CDK14: variants seen among roughly 807,000 people sequenced by gnomAD.
CDK14 encodes the protein cyclin dependent kinase 14, also known as cyclin-dependent kinase 14.
In CDK14, 34 loss-of-function variants were observed where a neutral mutation model predicts 60.7. The observed-to-expected ratio is 0.56, with a 90% CI of 0.43 to 0.75. The LOEUF is 0.75. CDK14 is among the 30% of genes least tolerant of loss of function. CDK14 has a pLI of 0.00. For missense variants in CDK14, 482 were observed against 564.1 expected (o/e 0.85, Z 1.47); for synonymous variants, 197 against 203.7 (o/e 0.97, Z 0.28).
At chr7:90,599,585 AG>A (rs1205148408) in intron 1 of CDK14, among the ~76,000 whole-genome samples, 27 of 152,348 alleles carry the variant, frequency 1.8e-4, no homozygotes, top group African/African-American at 6.5e-4. Context: ...TCAATACCAT[AG>A]GCTGTCATTG....
At chr7:90,629,314 A>G (rs922771028) in intron 2 of CDK14, among the ~76,000 whole-genome samples, 7 of 152,286 alleles carry the variant, frequency 4.6e-5, no homozygotes, top group Non-Finnish European at 1.0e-4. Flanking sequence ...CATGGCATTT[A>G]TAGTATTTTG....
At chr7:90,906,725 C>T (rs1342955946) in intron 7 of CDK14, among the ~76,000 whole-genome samples, 1 of 151,826 alleles carries the variant, frequency 6.6e-6, no homozygotes, top group Admixed American at 6.6e-5. Flanking sequence ...GAATTTCAGG[C>T]ATTACAATGG....
chr7:90,893,366 G>A (rs969293786), intron 6 of CDK14, among the ~76,000 whole-genome samples: 7 of 152,204 alleles, frequency 4.6e-5, no homozygotes, highest in Non-Finnish European at 8.8e-5. Context: ...GATATGCGTA[G>A]TTACCAGGGG....
chr7:90,934,579 C>T (rs1467437460), intron 8 of CDK14, among the ~76,000 whole-genome samples: 1 of 152,176 alleles, frequency 6.6e-6, no homozygotes, highest in African/African-American at 2.4e-5. Flanking sequence ...TTTCTTCTAA[C>T]TTTGTCACCA....
rs763092368 is a variant in CDK14, at chr7:91,118,140, A to G, written c.1370A>G (p.Asn457Ser). ...AGESMRAFGK[N>S]NSYGKSLSNS... ...GAAAGCATGCGGGCCTTTGGGAAAA[A>G]CAATAGTTATGGCAAAAGTCTATCA... is the stretch of plus-strand genomic sequence containing the variant. Residue 457 changes from asparagine to serine, a missense_variant, in exon 14 of 15, where the codon AAC (asparagine) becomes AGC (serine). Physicochemically the swap from Asn to Ser is conservative, Grantham distance 46. Coordinates refer to ENST00000380050, the MANE Select transcript of CDK14 (RefSeq NM_001287135.2). 5.0e-6 allele frequency: 8 copies of G among 1,613,524 alleles called. No homozygotes were observed. The East Asian group carries it at 1.6e-4, about 31-fold the overall frequency.
At chr7:91,026,006 T>C (rs1432522810) in intron 10 of CDK14, among the ~76,000 whole-genome samples, 1 of 151,964 alleles carries the variant, frequency 6.6e-6, no homozygotes. Flanking sequence ...AGGTGACATA[T>C]TTTAGAGGAC....
intron 2 of CDK14, among the ~76,000 whole-genome samples, chr7:90,606,952 T>G (rs569168356): frequency 8.5e-5 from 13 of 152,318 alleles, no homozygotes; most frequent in African/African-American, 3.1e-4. Flanking sequence ...AAATGTAGGA[T>G]TCTAAATAAT....
intron 7 of CDK14, among the ~76,000 whole-genome samples, chr7:90,908,880 A>G (rs1432051940): frequency 6.6e-6 from 1 of 152,070 alleles, no homozygotes; most frequent in Non-Finnish European, 1.5e-5. Flanking sequence ...TGTTTTTGTG[A>G]TTTACTCCAA....
intron 2 of CDK14, among the ~76,000 whole-genome samples, chr7:90,634,196 A>C (rs1800075588): frequency 6.6e-6 from 1 of 151,830 alleles, no homozygotes; most frequent in African/African-American, 2.4e-5. Flanking sequence ...CAGGTTAGTT[A>C]CATATGTATA....
chr7:91,163,391 C>T (rs1404351866), intron 14 of CDK14, among the ~76,000 whole-genome samples: 17 of 152,268 alleles, frequency 1.1e-4, no homozygotes, highest in Non-Finnish European at 2.9e-5. Context: ...GTAAGCGTTC[C>T]TAACAACAGG....
chr7:91,060,603 A>G (rs1391369362), intron 11 of CDK14, among the ~76,000 whole-genome samples: 1 of 152,172 alleles, frequency 6.6e-6, no homozygotes, highest in African/African-American at 2.4e-5. Context: ...TGGTGGTGAC[A>G]AAATCTCTCA....
At chr7:91,173,593 G>A (rs1801604849) in intron 14 of CDK14, among the ~76,000 whole-genome samples, 1 of 152,194 alleles carries the variant, frequency 6.6e-6, no homozygotes, top group Non-Finnish European at 1.5e-5. Context: ...AGGTCAGTGG[G>A]TGCATGCACC....
In CDK14 at chr7:90,892,809, C is replaced by T. The variant is rs188409975; in HGVS notation, c.640-6482C>T. 1.0e-3 allele frequency among the ~76,000 whole-genome samples: 156 copies of T among 152,182 alleles called. No individual in the cohort carries two copies. In the Middle Eastern group the frequency reaches 0.014, roughly 13 times the overall value. ...TTTATTTTTGTTTTTGTTTTGTTCTCGCTCTGTCACCCAGGCTGGGGTGCA... is the reference window on the plus strand; with the variant it reads ...TTTATTTTTGTTTTTGTTTTGTTCTTGCTCTGTCACCCAGGCTGGGGTGCA... On this transcript the variant is annotated intron_variant, in intron 6 of 14. Transcript: ENST00000380050.
chr7:90,826,793 GC>G (rs1056686993), intron 5 of CDK14, among the ~76,000 whole-genome samples: 38 of 151,950 alleles, frequency 2.5e-4, no homozygotes, highest in African/African-American at 8.7e-4. Context: ...CTTTTCCCTG[GC>G]ACACAGTTCC....
At chr7:90,918,523 GCT>G (rs1793151818) in intron 8 of CDK14, among the ~76,000 whole-genome samples, 1 of 152,172 alleles carries the variant, frequency 6.6e-6, no homozygotes, top group African/African-American at 2.4e-5. Flanking sequence ...CATTGCCCAG[GCT>G]CTCTGTCACA....
rs1584221134 is a variant in CDK14 at position 91,209,862 on chromosome 7, T to C, written c.*2726T>C. The C allele has an allele frequency of 1.3e-5, 2 of 152,604 alleles. No individual in the cohort carries two copies. The highest frequency in any genetic ancestry group is 3.8e-4 in the East Asian group (2 of 5,198). 9.5% of individuals were successfully genotyped at this position (152,604 alleles called of 1,614,324 possible). A position where few individuals can be genotyped will look rare whatever the true frequency, so the allele number is the denominator to read the frequency against. ...CACTGATTCTGGGGTGAGAAGCGATTTCTACCTCGCAAGAGTGACTAGAAA... is the reference window on the plus strand; with the variant it reads ...CACTGATTCTGGGGTGAGAAGCGATCTCTACCTCGCAAGAGTGACTAGAAA... On this transcript the variant is annotated 3_prime_UTR_variant, in exon 15 of 15. Coordinates refer to ENST00000380050, the MANE Select transcript of CDK14 (RefSeq NM_001287135.2).
At chr7:90,835,882 G>A (rs1016473819) in intron 5 of CDK14, among the ~76,000 whole-genome samples, 6 of 151,972 alleles carry the variant, frequency 3.9e-5, no homozygotes, top group East Asian at 1.9e-4. Flanking sequence ...ATTGCTCCTC[G>A]GTTACAAACC....
chr7:90,773,128 C>A (rs1483285118), intron 4 of CDK14, among the ~76,000 whole-genome samples: 1 of 152,190 alleles, frequency 6.6e-6, no homozygotes, highest in Non-Finnish European at 1.5e-5. Context: ...AATGACACTA[C>A]TTTCAGATTA....
intron 5 of CDK14, among the ~76,000 whole-genome samples, chr7:90,838,147 T>C (rs778112008): frequency 2.0e-5 from 3 of 152,174 alleles, no homozygotes; most frequent in Non-Finnish European, 4.4e-5. Flanking sequence ...TGAACATTTA[T>C]TAGTTCCCAA....
Sources: gnomAD v4.1 joint callset for allele counts (sites outside exome capture counted in the v4.1 genomes callset) on GRCh38, gnomAD v4.1.1 for gene constraint, MANE v1.5 for transcripts, NCBI Gene and HGNC (gene_info 2026-07-23, HGNC 2026-07-21) for gene names.